Variants in PDZRN3 observed in about 807,000 individuals in gnomAD.
PDZRN3 encodes the protein E3 ubiquitin-protein ligase PDZRN3.
Under a neutral mutation model 85.7 loss-of-function variants are expected in PDZRN3, and 38 were observed. The observed-to-expected ratio is 0.44, with a 90% CI of 0.34 to 0.58. The LOEUF (loss-of-function observed/expected upper bound fraction) is 0.58, where lower values mean the gene tolerates loss of function less well. Among genes scored for constraint, PDZRN3 ranks in the 20% least tolerant of loss-of-function variants. The probability of loss-of-function intolerance (pLI) is 0.01; values close to 1 mark genes in which losing one functional copy is unlikely to be tolerated. For missense variants in PDZRN3, 1,629 were observed against 1,506.4 expected (o/e 1.08, Z -1.35); for synonymous variants, 759 against 638.0 (o/e 1.19, Z -2.86).
chr3:73,598,813 G>A (rs951799650), intron 3 of PDZRN3, among the ~76,000 whole-genome samples: 1 of 152,192 alleles, frequency 6.6e-6, no homozygotes, highest in Non-Finnish European at 1.5e-5. Flanking sequence ...CTGTCCCTGA[G>A]CAACTCAATT....
intron 3 of PDZRN3, among the ~76,000 whole-genome samples, chr3:73,554,663 T>C (rs185564795): frequency 1.1e-3 from 168 of 152,174 alleles, no homozygotes; most frequent in African/African-American, 4.0e-3. Context: ...CTCCAAGACA[T>C]AAAGGTAAGA....
In PDZRN3 at chr3:73,434,012, C is replaced by A. The variant is rs143193153; in HGVS notation, c.919-29617G>T. On this transcript the variant is annotated intron_variant, in intron 3 of 9. Coordinates refer to ENST00000263666, the MANE Select transcript of PDZRN3 (RefSeq NM_015009.3). ...CTGGCAGCTGGATTGTGGTCCAATG[C>A]ACACGCTATATATACTGCTGCTCAT... The A allele has an allele frequency of 4.1e-4, 474 of 1,169,226 alleles. 4 individuals are homozygous for A. The African/African-American group carries it at 6.7e-3, about 16-fold the overall frequency. 72.4% of individuals were successfully genotyped at this position (1,169,226 alleles called of 1,614,324 possible).
At chr3:73,548,826 AAGCAGGAC>A (rs1464347085) in intron 3 of PDZRN3, among the ~76,000 whole-genome samples, 18 of 152,348 alleles carry the variant, frequency 1.2e-4, no homozygotes, top group African/African-American at 3.4e-4. Flanking sequence ...ATAAAACAAA[AAGCAGGAC>A]AACAGATGCT....
chr3:73,499,737 C>T (rs1703940346), intron 3 of PDZRN3, among the ~76,000 whole-genome samples: 1 of 152,152 alleles, frequency 6.6e-6, no homozygotes, highest in African/African-American at 2.4e-5. Context: ...GTAAGGGGAT[C>T]TGGGGAAGCT....
chr3:73,572,997 C>T (rs993859857), intron 3 of PDZRN3, among the ~76,000 whole-genome samples: 2 of 152,140 alleles, frequency 1.3e-5, no homozygotes, highest in Admixed American at 6.5e-5. Context: ...CTTTTGTGTC[C>T]CACAGTGTGC....
intron 3 of PDZRN3, among the ~76,000 whole-genome samples, chr3:73,582,726 G>A (rs1040437281): frequency 6.6e-6 from 1 of 152,076 alleles, no homozygotes; most frequent in Non-Finnish European, 1.5e-5. Context: ...TCAGCTGTGT[G>A]ACCTCTGAGA....
intron 3 of PDZRN3, among the ~76,000 whole-genome samples, chr3:73,528,931 C>T (rs1296032226): frequency 6.6e-6 from 1 of 150,662 alleles, no homozygotes; most frequent in Non-Finnish European, 1.5e-5. Flanking sequence ...CATGCACACA[C>T]AGAGCAAACC....
chr3:73,428,917 G>C (rs1327458554), intron 3 of PDZRN3, among the ~76,000 whole-genome samples: 1 of 151,870 alleles, frequency 6.6e-6, no homozygotes, highest in Non-Finnish European at 1.5e-5. Flanking sequence ...CCCAGAGAAG[G>C]GGTCTTGCTC....
At chr3:73,401,679 T>C (rs541114744) in intron 4 of PDZRN3, 3 of 152,364 alleles carry the variant, frequency 2.0e-5, no homozygotes, top group Non-Finnish European at 2.9e-5. Context: ...GGACAACATA[T>C]GCAAAACACA....
intron 3 of PDZRN3, among the ~76,000 whole-genome samples, chr3:73,471,850 T>C (rs1703346987): frequency 6.6e-6 from 1 of 152,246 alleles, no homozygotes; most frequent in Non-Finnish European, 1.5e-5. Context: ...ATTAAAAATT[T>C]ACCATGTGAC....
chr3:73,501,708 C>T (rs185702607), intron 3 of PDZRN3, among the ~76,000 whole-genome samples: 61 of 152,278 alleles, frequency 4.0e-4, no homozygotes, highest in African/African-American at 1.4e-3. Context: ...CATTGACATC[C>T]ACATTCTAAA....
chr3:73,425,654 C>T (rs551745439), intron 3 of PDZRN3, among the ~76,000 whole-genome samples: 8 of 151,244 alleles, frequency 5.3e-5, no homozygotes, highest in African/African-American at 2.4e-5. Flanking sequence ...GGGTGAAGAG[C>T]GAGGTAAGGC....
chr3:73,486,561 GACA>G (rs1703665785), intron 3 of PDZRN3, among the ~76,000 whole-genome samples: 1 of 152,154 alleles, frequency 6.6e-6, no homozygotes, highest in South Asian at 2.1e-4. Context: ...ATGGACGTAA[GACA>G]ACGTGAATGT....
rs150701202 is a variant in PDZRN3 at position 73,479,488 on chromosome 3, G to A, written c.919-75093C>T. ...ACCGAGGGGAGTCATCCACCAGCCC[G>A]CTGTAGCTCAGGCCAGGCACCTGTC... On this transcript the variant is annotated intron_variant, in intron 3 of 9. Transcript: ENST00000263666. Among the ~76,000 whole-genome samples the A allele has an allele frequency of 3.8e-3, 571 of 152,156 alleles. 4 individuals are homozygous for A. The highest frequency in any genetic ancestry group is 0.031 in the South Asian group (151 of 4,810).
intron 1 of PDZRN3, among the ~76,000 whole-genome samples, chr3:73,619,212 A>G (rs1702813825): frequency 6.6e-6 from 1 of 152,174 alleles, no homozygotes; most frequent in African/African-American, 2.4e-5. Context: ...GCAACCTGAA[A>G]AGTTTTGATG....
At chr3:73,481,513 A>G (rs1460382114) in intron 3 of PDZRN3, among the ~76,000 whole-genome samples, 2 of 152,044 alleles carry the variant, frequency 1.3e-5, no homozygotes, top group South Asian at 2.1e-4. Flanking sequence ...TATTTTTAGT[A>G]GAGATGGGGT....
chr3:73,493,684 T>G (rs1054923458), intron 3 of PDZRN3, among the ~76,000 whole-genome samples: 6 of 152,172 alleles, frequency 3.9e-5, no homozygotes, highest in Non-Finnish European at 8.8e-5. Context: ...CCACTTAAGT[T>G]GATTCTATCA....
At chr3:73,586,620 G>C (rs942609801) in intron 3 of PDZRN3, among the ~76,000 whole-genome samples, 14 of 152,162 alleles carry the variant, frequency 9.2e-5, no homozygotes, top group African/African-American at 3.4e-4. Flanking sequence ...ACTTCACCGG[G>C]GGGGTCTCAG....
intron 3 of PDZRN3, among the ~76,000 whole-genome samples, chr3:73,550,288 C>A (rs1701522008): frequency 6.6e-6 from 1 of 152,160 alleles, no homozygotes; most frequent in Non-Finnish European, 1.5e-5. Flanking sequence ...TGGGGTGTGG[C>A]CCAGTGGCCT....
Sources: allele counts gnomAD v4.1 joint callset (sites outside exome capture counted in the v4.1 genomes callset), GRCh38; gene constraint gnomAD v4.1.1; transcripts MANE v1.5; gene names NCBI Gene and HGNC (gene_info 2026-07-23, HGNC 2026-07-21).